The following NXPE4 variants were observed in gnomAD, a reference collection of about 807,000 sequenced individuals.
NXPE4 encodes neurexophilin and PC-esterase domain family member 4, also known as NXPE family member 4.
A neutral mutation model predicts 33.3 loss-of-function variants in NXPE4; 42 were observed. That is an observed-to-expected ratio of 1.26 (90% CI 0.98 to 1.63). The LOEUF (loss-of-function observed/expected upper bound fraction) is 1.63, where lower values mean the gene tolerates loss of function less well. Among genes scored for constraint, NXPE4 ranks in the 40% most tolerant of loss-of-function variants. NXPE4 has a pLI of 0.00. For missense variants in NXPE4, 709 were observed against 647.6 expected, an observed-to-expected ratio of 1.09 and a Z score of -1.03; for synonymous variants, 253 against 234.9, an observed-to-expected ratio of 1.08 and a Z score of -0.71.
At chr11:114,608,835 G>A in the NXPE4 span, among the ~76,000 whole-genome samples, 1 of 151,878 alleles carries the variant, frequency 6.6e-6, no homozygotes, top group South Asian at 2.1e-4. Flanking sequence ...TTACCTGGTG[G>A]ATAATAAGTG....
the NXPE4 span, among the ~76,000 whole-genome samples, chr11:114,635,158 TCTC>T: frequency 1.3e-5 from 2 of 150,750 alleles, no homozygotes; most frequent in Admixed American, 1.3e-4. Context: ...GGTTTGTAGT[TCTC>T]CTTGAAGAGT....
At chr11:114,667,761 A>G in the NXPE4 span, among the ~76,000 whole-genome samples, 3 of 152,178 alleles carry the variant, frequency 2.0e-5, no homozygotes, top group East Asian at 3.9e-4. Flanking sequence ...TTAGAAGTAA[A>G]TCTTCCAGCC....
chr11:114,618,307 T>G, the NXPE4 span, among the ~76,000 whole-genome samples: 7 of 151,450 alleles, frequency 4.6e-5, no homozygotes, highest in African/African-American at 1.7e-4. Context: ...CTGTTATCTG[T>G]TGGATAATAG....
At chr11:114,612,991 C>T in the NXPE4 span, among the ~76,000 whole-genome samples, 1 of 151,952 alleles carries the variant, frequency 6.6e-6, no homozygotes, top group Non-Finnish European at 1.5e-5. Flanking sequence ...ACCACTGTTA[C>T]CCAATGGATA....
the NXPE4 span, among the ~76,000 whole-genome samples, chr11:114,607,237 T>C: frequency 6.6e-6 from 1 of 151,988 alleles, no homozygotes; most frequent in African/African-American, 2.4e-5. Context: ...GTAACCACTG[T>C]TACCTGGTGG....
At chr11:114,671,450 C>G in the NXPE4 span, among the ~76,000 whole-genome samples, 1 of 151,656 alleles carries the variant, frequency 6.6e-6, no homozygotes, top group Non-Finnish European at 1.5e-5. Flanking sequence ...TAATAAAGTA[C>G]AAGTACAATA....
chr11:114,599,608 G>T (rs1489495274), upstream of NXPE4, among the ~76,000 whole-genome samples: 1 of 152,172 alleles, frequency 6.6e-6, no homozygotes. Context: ...GAGCATGGTA[G>T]CTTCTGCTTC....
At chr11:114,617,081 G>A in the NXPE4 span, among the ~76,000 whole-genome samples, 2 of 151,856 alleles carry the variant, frequency 1.3e-5, no homozygotes, top group Admixed American at 6.6e-5. Flanking sequence ...GGTAACAACT[G>A]TTAATGCATG....
intron 4 of NXPE4, 94 bp from the exon 5 acceptor site, chr11:114,580,432 G>C (rs934042018): frequency 2.0e-6 from 2 of 997,026 alleles, no homozygotes; most frequent in Admixed American, 1.9e-5. Flanking sequence ...ATCCTAAGAG[G>C]GGGTAAGGTG....
the NXPE4 span, among the ~76,000 whole-genome samples, chr11:114,640,035 T>G: frequency 8.4e-6 from 1 of 119,248 alleles, no homozygotes; most frequent in Non-Finnish European, 1.6e-5. Flanking sequence ...GTAACATAAT[T>G]ATATTATTTT....
the NXPE4 span, among the ~76,000 whole-genome samples, chr11:114,672,144 C>T: frequency 1.3e-5 from 2 of 151,938 alleles, no homozygotes; most frequent in Non-Finnish European, 2.9e-5. Flanking sequence ...AAGTCCACCC[C>T]CATGATTCAA....
the NXPE4 span, among the ~76,000 whole-genome samples, chr11:114,677,551 A>G: frequency 6.6e-6 from 1 of 152,066 alleles, no homozygotes; most frequent in African/African-American, 2.4e-5. Flanking sequence ...TTTTCTTTCA[A>G]TAAATTTCTT....
the NXPE4 span, among the ~76,000 whole-genome samples, chr11:114,630,947 A>G: frequency 1.3e-5 from 2 of 150,996 alleles, no homozygotes; most frequent in African/African-American, 4.9e-5. Context: ...TGGCCATCAG[A>G]GAAATGCAAA....
At chr11:114,609,144 G>T in the NXPE4 span, among the ~76,000 whole-genome samples, 6 of 151,762 alleles carry the variant, frequency 4.0e-5, 1 homozygote, top group African/African-American at 7.2e-5. Flanking sequence ...GTATTGCCTC[G>T]TGGGTAACCA....
At chr11:114,621,243 G>C in the NXPE4 span, among the ~76,000 whole-genome samples, 1 of 151,132 alleles carries the variant, frequency 6.6e-6, no homozygotes, top group Non-Finnish European at 1.5e-5. Flanking sequence ...ACAGTTACCC[G>C]GTGGATAATA....
the NXPE4 span, among the ~76,000 whole-genome samples, chr11:114,616,225 A>G: frequency 6.6e-6 from 1 of 150,626 alleles, no homozygotes; most frequent in Admixed American, 6.6e-5. Context: ...GATAATAAGT[A>G]TTGCCTCACT....
chr11:114,603,384 A>G, the NXPE4 span, among the ~76,000 whole-genome samples: 33 of 130,130 alleles, frequency 2.5e-4, no homozygotes, highest in Middle Eastern at 4.5e-3. Context: ...GTATTTCCTC[A>G]TCTCCTAGGT....
chr11:114,667,299 G>T, the NXPE4 span, among the ~76,000 whole-genome samples: 1 of 152,088 alleles, frequency 6.6e-6, no homozygotes, highest in East Asian at 1.9e-4. Context: ...TTTAAAAAAT[G>T]TTTTTAATAA....
the NXPE4 span, among the ~76,000 whole-genome samples, chr11:114,641,502 C>T: frequency 6.6e-6 from 1 of 151,856 alleles, no homozygotes; most frequent in Non-Finnish European, 1.5e-5. Context: ...GGGAATGCCA[C>T]CAAATTATAT....
Sources: allele counts gnomAD v4.1 joint callset (sites outside exome capture counted in the v4.1 genomes callset), GRCh38; gene constraint gnomAD v4.1.1; transcripts MANE v1.5; gene names NCBI Gene and HGNC (gene_info 2026-07-23, HGNC 2026-07-21).